Variants in TAMM41 observed in about 807,000 individuals in gnomAD.
TAMM41 encodes the protein phosphatidate cytidylyltransferase, mitochondrial.
A neutral mutation model predicts 44.1 loss-of-function variants in TAMM41; 36 were observed. The ratio of observed to expected loss-of-function variants is 0.82; its 90% CI spans 0.63 to 1.08. The LOEUF is 1.08. TAMM41 is among the 50% of genes least tolerant of loss of function. The pLI, the probability that TAMM41 is intolerant of heterozygous loss-of-function variation, is 0.00. For synonymous variants in TAMM41, 164 were observed against 153.1 expected, an observed-to-expected ratio of 1.07 and a Z score of -0.53; for missense variants, 417 against 404.3, an observed-to-expected ratio of 1.03 and a Z score of -0.27.
chr3:11,845,040 G>C (rs1054664336), intron 1 of TAMM41: 1 of 455,106 alleles, frequency 2.2e-6, no homozygotes, highest in African/African-American at 2.0e-5. Context: ...CGTGTTGGAG[G>C]AAAGTGCTCT....
intron 4 of TAMM41, among the ~76,000 whole-genome samples, chr3:11,817,605 G>C (rs898613128): frequency 6.6e-6 from 1 of 152,202 alleles, no homozygotes; most frequent in Non-Finnish European, 1.5e-5. Context: ...CAAGCGAGTA[G>C]CTAACTTGTT....
At chr3:11,800,547 TAAA>T (rs60989120) in intron 7 of TAMM41, among the ~76,000 whole-genome samples, 57,121 of 145,378 alleles carry the variant, frequency 0.39, 11,373 homozygotes, top group Admixed American at 0.48. Flanking sequence ...CAAAAACAGT[TAAA>T]AAAAAAAAAA....
At chr3:11,731,100 T>G in the TAMM41 span, among the ~76,000 whole-genome samples, 1 of 152,196 alleles carries the variant, frequency 6.6e-6, no homozygotes, top group African/African-American at 2.4e-5. Context: ...CAAAGTCATG[T>G]GAGCCCCTAC....
intron 2 of TAMM41, among the ~76,000 whole-genome samples, chr3:11,839,634 C>T (rs1391648771): frequency 2.0e-5 from 3 of 152,138 alleles, no homozygotes; most frequent in East Asian, 1.9e-4. Flanking sequence ...CATGCCTGGG[C>T]GTAGGTCAAG....
At chr3:11,827,424 C>T (rs1483878781) in intron 4 of TAMM41, among the ~76,000 whole-genome samples, 3 of 151,600 alleles carry the variant, frequency 2.0e-5, no homozygotes, top group African/African-American at 7.3e-5. Context: ...ATTCTCCTGC[C>T]TCAACCTCGC....
At chr3:11,779,915 C>T in the TAMM41 span, among the ~76,000 whole-genome samples, 2 of 152,156 alleles carry the variant, frequency 1.3e-5, no homozygotes, top group East Asian at 1.9e-4. Context: ...TTTGTGCCAG[C>T]GGGAGCCTTG....
At chr3:11,775,336 C>T in the TAMM41 span, among the ~76,000 whole-genome samples, 1 of 152,126 alleles carries the variant, frequency 6.6e-6, no homozygotes, top group South Asian at 2.1e-4. Context: ...GGGCCCTAGT[C>T]CCCCTCTTCC....
At chr3:11,793,059 C>CAAA (rs61264653) in intron 7 of TAMM41, among the ~76,000 whole-genome samples, 3,023 of 64,706 alleles carry the variant, frequency 0.047, 325 homozygotes, top group East Asian at 0.25. Context: ...GGCCCCATCT[C>CAAA]AAAAAAAAAA....
chr3:11,739,884 A>G, the TAMM41 span, among the ~76,000 whole-genome samples: 4 of 152,074 alleles, frequency 2.6e-5, no homozygotes, highest in Middle Eastern at 3.2e-3. Context: ...TCTCAGGGGC[A>G]AGACTGTGTT....
At chr3:11,811,210 A>G (rs945537337) in intron 5 of TAMM41, 1 of 152,196 alleles carries the variant, frequency 6.6e-6, no homozygotes, top group African/African-American at 2.4e-5. Flanking sequence ...TTTTATCTAA[A>G]TATTTGATAT....
intron 3 of TAMM41, among the ~76,000 whole-genome samples, chr3:11,830,517 A>G (rs1194204843): frequency 6.6e-6 from 1 of 152,194 alleles, no homozygotes; most frequent in African/African-American, 2.4e-5. Flanking sequence ...CTTCGCTCAG[A>G]AAGAATTTTT....
rs142224904 is a variant in TAMM41 at position 11,829,849 on chromosome 3, C to T, written c.427G>A (p.Val143Met). Residue 143 changes from valine (V) to methionine (M), a missense_variant, in exon 4 of 8, where the codon GTG becomes ATG. Val to Met is a conservative substitution (Grantham distance 21, BLOSUM62 1). Transcript: ENST00000455809. The stretch of plus-strand genomic sequence containing the variant: ...GATCTAAGAGTGACATCCTCGTTCA[C>T]TGAGATAATTTTCACCTGAAAGAAG... ...RLQKPVKIIS[V>M]NEDVTLRSAL... 4 of 1,614,008 alleles carry T rather than the reference C, an allele frequency of 2.5e-6. No individual in the cohort carries two copies. Among genetic ancestry groups the T allele is most frequent in the East Asian group, 2.2e-5 (1 of 44,896 alleles).
intron 4 of TAMM41, among the ~76,000 whole-genome samples, chr3:11,829,488 T>C (rs1218596007): frequency 6.6e-6 from 1 of 152,074 alleles, no homozygotes; most frequent in East Asian, 1.9e-4. Flanking sequence ...AAAATAAAAA[T>C]TAACAAAAAC....
chr3:11,846,790 G>T lies in TAMM41; in HGVS notation c.-154C>A. The T allele has an allele frequency of 1.1e-6, 1 of 931,762 alleles. No individual in the cohort carries two copies. The highest frequency in any genetic ancestry group is 2.6e-5 in the East Asian group (1 of 38,106). The allele number at this position is 931,762 out of a possible 1,614,324, so 57.7% of individuals were successfully genotyped here. ...GTGTGGGGTGGGACTGCAAGCACAC[G>T]CAAGGATTGGGGCGTTGGGCCACGA... On this transcript the variant is annotated 5_prime_UTR_variant, in exon 1 of 8. Coordinates refer to ENST00000455809, the MANE Select transcript of TAMM41 (RefSeq NM_001284401.2).
chr3:11,723,588 A>G, the TAMM41 span, among the ~76,000 whole-genome samples: 1 of 151,704 alleles, frequency 6.6e-6, no homozygotes, highest in African/African-American at 2.4e-5. Context: ...CTCAAAAAAA[A>G]AAAAAAACAA....
chr3:11,825,426 A>C (rs2078709484), intron 4 of TAMM41, among the ~76,000 whole-genome samples: 1 of 152,178 alleles, frequency 6.6e-6, no homozygotes, highest in South Asian at 2.1e-4. Context: ...ATGCTGATAC[A>C]ACCACACTGC....
At chr3:11,846,166 G>A (rs1202240456) in intron 1 of TAMM41, among the ~76,000 whole-genome samples, 1 of 152,218 alleles carries the variant, frequency 6.6e-6, no homozygotes, top group Non-Finnish European at 1.5e-5. Context: ...TTTCTTAAAA[G>A]CTCCCCAGAA....
chr3:11,792,998 T>C (rs1486794969), intron 7 of TAMM41, among the ~76,000 whole-genome samples: 1 of 138,124 alleles, frequency 7.2e-6, no homozygotes, highest in African/African-American at 2.8e-5. Context: ...GAAGCGGAGG[T>C]TGCAATGAGC....
chr3:11,731,877 A>ATTT, the TAMM41 span, among the ~76,000 whole-genome samples: 17 of 141,874 alleles, frequency 1.2e-4, no homozygotes, highest in East Asian at 4.2e-4. Context: ...TAATTAGGGC[A>ATTT]TTTTTTTTTT....
Sources: allele counts gnomAD v4.1 joint callset (sites outside exome capture counted in the v4.1 genomes callset), GRCh38; gene constraint gnomAD v4.1.1; transcripts MANE v1.5; gene names NCBI Gene and HGNC (gene_info 2026-07-23, HGNC 2026-07-21).